CNBD1: variants seen among roughly 807,000 people sequenced by gnomAD.
CNBD1 encodes cyclic nucleotide binding domain containing 1.
CNBD1 carries 71 observed loss-of-function variants against 54.4 expected under a neutral mutation model. The observed-to-expected ratio is 1.30, with a 90% CI of 1.08 to 1.59. The LOEUF (loss-of-function observed/expected upper bound fraction) is 1.59, where lower values mean the gene tolerates loss of function less well. CNBD1 is among the 40% of genes most tolerant of loss of function. The probability of loss-of-function intolerance (pLI) is 0.00; values close to 1 mark genes in which losing one functional copy is unlikely to be tolerated. For missense variants in CNBD1, 659 were observed against 518.0 expected, an observed-to-expected ratio of 1.27 and a Z score of -2.64; for synonymous variants, 182 against 170.7, an observed-to-expected ratio of 1.07 and a Z score of -0.51.
chr8:87,358,429 A>T (rs1197129188), intron 10 of CNBD1, among the ~76,000 whole-genome samples: 1 of 152,146 alleles, frequency 6.6e-6, no homozygotes, highest in Non-Finnish European at 1.5e-5. Flanking sequence ...ATTCTCACTT[A>T]ATATTTTTTC....
chr8:87,045,075 G>C (rs1277767401), intron 4 of CNBD1, among the ~76,000 whole-genome samples: 1 of 152,188 alleles, frequency 6.6e-6, no homozygotes, highest in African/African-American at 2.4e-5. Context: ...TCCTGATGGA[G>C]AGGGGTGTTG....
chr8:87,315,618 G>A (rs1000427601), intron 8 of CNBD1, among the ~76,000 whole-genome samples: 2 of 151,960 alleles, frequency 1.3e-5, no homozygotes, highest in Non-Finnish European at 2.9e-5. Flanking sequence ...ATCTATTCAT[G>A]AGGGGTCAGC....
In CNBD1 at chr8:87,325,917, G is replaced by C. The variant is rs1809658076; in HGVS notation, c.1043-25768G>C. On this transcript the variant is annotated intron_variant, in intron 8 of 10. Coordinates refer to ENST00000518476, the MANE Select transcript of CNBD1 (RefSeq NM_173538.3). ...CTAGTCTCGATGGTCTTTACATTTT[G>C]GCATGATTTTGCAGCAGCTGGTACC... Among the ~76,000 whole-genome samples the C allele has an allele frequency of 1.7e-5, 2 of 121,180 alleles. 1 individual carries two copies. The highest frequency in any genetic ancestry group is 3.7e-5 in the Non-Finnish European group (2 of 54,366). The allele number at this position is 121,180 out of a possible 152,430, so 79.5% of individuals were successfully genotyped here.
In CNBD1 at chr8:87,184,493, T is replaced by C. The variant is rs547801780; in HGVS notation, c.432-21500T>C. 1.0e-3 allele frequency among the ~76,000 whole-genome samples: 154 copies of C among 152,270 alleles called. 1 individual carries two copies. Among genetic ancestry groups the C allele is most frequent in the African/African-American group, 3.6e-3 (148 of 41,562 alleles). On this transcript the variant is annotated intron_variant, in intron 4 of 10. Coordinates refer to ENST00000518476, the MANE Select transcript of CNBD1 (RefSeq NM_173538.3). ...CCAGCCTTTCCCACGCCAAACCCTC[T>C]GGGCTTCATGCAGACTGGAGTTCTA...
chr8:87,201,816 C>T (rs1813869283), intron 4 of CNBD1, among the ~76,000 whole-genome samples: 1 of 152,066 alleles, frequency 6.6e-6, no homozygotes, highest in Non-Finnish European at 1.5e-5. Context: ...GGCTGGAGTG[C>T]AGTGACACAA....
chr8:87,352,478 C>CAAAAAAAAAAAAAA (rs386413278), intron 9 of CNBD1, among the ~76,000 whole-genome samples: 38 of 107,470 alleles, frequency 3.5e-4, no homozygotes, highest in African/African-American at 1.2e-3. Context: ...GACTCTGTCT[C>CAAAAAAAAAAAAAA]AAAAAAAAAA....
rs888741003 is a variant in CNBD1 at position 87,277,472 on chromosome 8, C to T, written c.772-7206C>T. Among the ~76,000 whole-genome samples, 8 of 151,784 alleles carry T rather than the reference C, an allele frequency of 5.3e-5. No homozygotes were observed. The South Asian group carries it at 6.2e-4, about 12-fold the overall frequency. The stretch of plus-strand genomic sequence containing the variant: ...TGTTTGACCAAATATTTGGACACTC[C>T]GTGATCCAGTCAAATTGACACATAA... On this transcript the variant is annotated intron_variant, in intron 6 of 10. Coordinates refer to ENST00000518476, the MANE Select transcript of CNBD1 (RefSeq NM_173538.3).
chr8:87,336,333 C>T (rs1356520110), intron 8 of CNBD1, among the ~76,000 whole-genome samples: 1 of 152,076 alleles, frequency 6.6e-6, no homozygotes. Context: ...TCAGGTACTC[C>T]AGTTAGTTGT....
intron 4 of CNBD1, among the ~76,000 whole-genome samples, chr8:87,070,928 G>C (rs1211463648): frequency 1.9e-4 from 29 of 151,900 alleles, no homozygotes; most frequent in Admixed American, 1.7e-3. Flanking sequence ...AGGTATTAAA[G>C]AATATTATAT....
chr8:87,374,980 A>G (rs1810895831), intron 10 of CNBD1, among the ~76,000 whole-genome samples: 2 of 150,216 alleles, frequency 1.3e-5, no homozygotes, highest in African/African-American at 2.5e-5. Flanking sequence ...TCTCAAAACA[A>G]GTAATAATTT....
chr8:86,983,622 A>G (rs1201261222), intron 4 of CNBD1, among the ~76,000 whole-genome samples: 1 of 152,134 alleles, frequency 6.6e-6, no homozygotes, highest in East Asian at 1.9e-4. Context: ...GAAAGGAGGA[A>G]CTTTTTGGGA....
At position 86,965,934 on chromosome 8, in the gene CNBD1, A is replaced by G. The variant is rs116514417; in HGVS notation, c.431+26180A>G. Among the ~76,000 whole-genome samples the G allele has an allele frequency of 5.7e-3, 866 of 152,142 alleles. 15 individuals are homozygous for G. The highest frequency in any genetic ancestry group is 0.02 in the African/African-American group (822 of 41,512). ...TGTGGTCATCCCATTGTCTCCAGCTATCAGCAGAGAGGGTACCTCCTCTCT... is the reference window on the plus strand; with the variant it reads ...TGTGGTCATCCCATTGTCTCCAGCTGTCAGCAGAGAGGGTACCTCCTCTCT... On this transcript the variant is annotated intron_variant, in intron 4 of 10. Transcript: ENST00000518476.
intron 2 of CNBD1, among the ~76,000 whole-genome samples, chr8:87,424,859 C>T (rs1370215069): frequency 6.6e-5 from 10 of 152,206 alleles, no homozygotes; most frequent in South Asian, 2.1e-4. Flanking sequence ...TGAATCTGAA[C>T]GTTGGCCTGC....
At chr8:86,946,166 A>G (rs760699979) in intron 4 of CNBD1, among the ~76,000 whole-genome samples, 1 of 152,196 alleles carries the variant, frequency 6.6e-6, no homozygotes, top group Admixed American at 6.5e-5. Context: ...TGTTCTTGCT[A>G]TAGTTGAATT....
chr8:87,301,837 C>A (rs1304584048), intron 8 of CNBD1, among the ~76,000 whole-genome samples: 1 of 152,102 alleles, frequency 6.6e-6, no homozygotes, highest in African/African-American at 2.4e-5. Flanking sequence ...ATACAAACTA[C>A]CATCAGAGAA....
chr8:87,287,259 A>G (rs1301505110), intron 8 of CNBD1, among the ~76,000 whole-genome samples: 1 of 152,158 alleles, frequency 6.6e-6, no homozygotes, highest in Non-Finnish European at 1.5e-5. Context: ...GTCATTTTGC[A>G]TGATTTGTCC....
intron 5 of CNBD1, among the ~76,000 whole-genome samples, chr8:87,234,750 G>T (rs1488035577): frequency 6.6e-6 from 1 of 152,162 alleles, no homozygotes; most frequent in Non-Finnish European, 1.5e-5. Context: ...GTCACCAGCT[G>T]CATGTCACAG....
At chr8:87,039,075 T>TCATTA (rs1191388440) in intron 4 of CNBD1, among the ~76,000 whole-genome samples, 23 of 152,206 alleles carry the variant, frequency 1.5e-4, no homozygotes, top group African/African-American at 5.5e-4. Flanking sequence ...AAAACTGTAA[T>TCATTA]GACCTCTTTT....
chr8:87,259,294 C>T (rs1282570566), intron 6 of CNBD1, among the ~76,000 whole-genome samples: 2 of 152,162 alleles, frequency 1.3e-5, no homozygotes, highest in African/African-American at 4.8e-5. Flanking sequence ...ACTTTCTTTG[C>T]ATAGCAAGGA....
Sources: gnomAD v4.1 joint callset for allele counts (sites outside exome capture counted in the v4.1 genomes callset) on GRCh38, gnomAD v4.1.1 for gene constraint, MANE v1.5 for transcripts, NCBI Gene and HGNC (gene_info 2026-07-23, HGNC 2026-07-21) for gene names.